PHC3: variants seen among roughly 807,000 people sequenced by gnomAD.
PHC3 encodes polyhomeotic-like protein 3.
A neutral mutation model predicts 107.4 loss-of-function variants in PHC3; 13 were observed. The observed-to-expected ratio is 0.12, with a 90% CI of 0.08 to 0.19. The LOEUF is 0.19. Ranked by LOEUF, PHC3 falls within the 10% of genes least tolerant of loss-of-function variation. PHC3 has a pLI of 1.00. For missense variants in PHC3, 992 were observed against 1,210.9 expected, an observed-to-expected ratio of 0.82 and a Z score of 2.68; for synonymous variants, 456 against 427.4, an observed-to-expected ratio of 1.07 and a Z score of -0.83.
chr3:170,154,080 G>A (rs1335869724), intron 4 of PHC3, among the ~76,000 whole-genome samples: 1 of 152,028 alleles, frequency 6.6e-6, no homozygotes, highest in African/African-American at 2.4e-5. Context: ...TTGCCTAATT[G>A]TTACCGTCCA....
rs994186486 is a variant in PHC3, at chr3:170,094,678, T to C, written c.*2552A>G. Reference sequence around the variant, plus strand: ...GAAAGAAACAGCTGCACCAATGTGATAGCAAACAAGCCATTTTTAAATAAA... The same window carrying C: ...GAAAGAAACAGCTGCACCAATGTGACAGCAAACAAGCCATTTTTAAATAAA... On this transcript the variant is annotated 3_prime_UTR_variant, in exon 15 of 15. Coordinates refer to ENST00000495893, the MANE Select transcript of PHC3 (RefSeq NM_024947.4). 2 of 152,162 alleles carry C rather than the reference T, an allele frequency of 1.3e-5. No homozygotes were observed. The highest frequency in any genetic ancestry group is 4.8e-5 in the African/African-American group (2 of 41,458). The allele number at this position is 152,162 out of a possible 1,614,324, so 9.4% of individuals were successfully genotyped here. A position where few individuals can be genotyped will look rare whatever the true frequency, so the allele number is the denominator to read the frequency against.
At chr3:170,179,857 A>G (rs915024414) in intron 1 of PHC3, among the ~76,000 whole-genome samples, 2 of 152,214 alleles carry the variant, frequency 1.3e-5, no homozygotes, top group African/African-American at 4.8e-5. Context: ...CGGGCCAGAA[A>G]TGTACCTCGA....
intron 7 of PHC3, 125 bp from the exon 8 acceptor site, chr3:170,129,677 C>A: frequency 8.8e-6 from 9 of 1,022,350 alleles, no homozygotes; most frequent in Middle Eastern, 2.2e-4. Flanking sequence ...ACAAGTTTTC[C>A]AAACAAGAGT....
At chr3:170,128,352 A>C in intron 8 of PHC3, 1 of 1,294,962 alleles carries the variant, frequency 7.7e-7, no homozygotes, top group Non-Finnish European at 1.0e-6. Flanking sequence ...TAAGAGAAAA[A>C]ACTTTGTGCA....
At chr3:170,175,745 A>G (rs1296107912) in intron 2 of PHC3, among the ~76,000 whole-genome samples, 2 of 151,842 alleles carry the variant, frequency 1.3e-5, no homozygotes, top group African/African-American at 4.8e-5. Flanking sequence ...TAACATGGTG[A>G]AGCCCCATCT....
intron 5 of PHC3, among the ~76,000 whole-genome samples, chr3:170,146,877 C>CTTTTTTTTTTTTT (rs1035803336): frequency 3.1e-5 from 3 of 97,998 alleles, no homozygotes; most frequent in Admixed American, 1.1e-4. Flanking sequence ...TCTATTTTTT[C>CTTTTTTTTTTTTT]TTTTTTTTTT....
intron 6 of PHC3, among the ~76,000 whole-genome samples, chr3:170,142,624 C>T (rs1423639686): frequency 6.6e-6 from 1 of 152,184 alleles, no homozygotes; most frequent in Non-Finnish European, 1.5e-5. Context: ...TAAGTCCACA[C>T]AGAACTTCAT....
intron 8 of PHC3, among the ~76,000 whole-genome samples, chr3:170,124,250 T>G (rs1720912812): frequency 6.6e-6 from 1 of 152,200 alleles, no homozygotes; most frequent in Non-Finnish European, 1.5e-5. Flanking sequence ...TAACCATTAT[T>G]TATGAAAAAT....
intron 1 of PHC3, 97 bp from the exon 2 acceptor site, chr3:170,179,035 C>T (rs1577301692): frequency 1.7e-6 from 2 of 1,200,190 alleles, no homozygotes; most frequent in Non-Finnish European, 2.4e-6. Flanking sequence ...GTAATCTAAA[C>T]TGCTAGGAAG....
At chr3:170,150,556 T>C (rs375725577) in intron 4 of PHC3, 2 of 110,698 alleles carry the variant, frequency 1.8e-5, no homozygotes, top group African/African-American at 3.8e-5. Context: ...AAAAAAAAAT[T>C]AAAAAAATTA....
intron 2 of PHC3, among the ~76,000 whole-genome samples, chr3:170,178,100 G>A (rs1487557861): frequency 1.3e-5 from 2 of 152,016 alleles, no homozygotes; most frequent in African/African-American, 2.4e-5. Context: ...AGGGTGATTA[G>A]GCCATAAGGA....
Position 170,128,974 on chromosome 3 carries a change from G to C in PHC3, c.1498C>G (p.Gln500Glu). 1.2e-6 allele frequency: 2 copies of C among 1,613,992 alleles called. No individual in the cohort carries two copies. Residue 500 changes from glutamine to glutamate, a missense_variant, in exon 8 of 15, where the codon CAA (glutamine) becomes GAA (glutamate). Physicochemically the swap from Gln to Glu is conservative, Grantham distance 29. Transcript: ENST00000495893. ...GGAGAGGACTGCAGGGATGAATATT[G>C]CTGGTGTGATGGAGAGACAATCTGC... The part of the protein sequence containing the change: ...GQQIVSPSHQ[Q>E]YSSLQSSPIP...
chr3:170,150,958 A>G (rs1366100384), intron 4 of PHC3, among the ~76,000 whole-genome samples: 2 of 152,082 alleles, frequency 1.3e-5, no homozygotes, highest in African/African-American at 4.8e-5. Context: ...CCAGCCTATA[A>G]TCCCAGCACT....
At chr3:170,135,210 G>C (rs904194220) in intron 7 of PHC3, among the ~76,000 whole-genome samples, 7 of 152,142 alleles carry the variant, frequency 4.6e-5, no homozygotes, top group Non-Finnish European at 1.0e-4. Flanking sequence ...GAGTGCAGTG[G>C]TGCAATCTTG....
intron 6 of PHC3, among the ~76,000 whole-genome samples, chr3:170,140,498 C>A (rs1246981798): frequency 1.3e-5 from 2 of 151,628 alleles, no homozygotes; most frequent in Non-Finnish European, 2.9e-5. Context: ...AAGTGATCCA[C>A]CCATCTCAGC....
chr3:170,129,344 G>A lies in PHC3; in HGVS notation c.1128C>T (p.Pro376=), dbSNP rs1284389071. The A allele has an allele frequency of 2.5e-6, 4 of 1,613,902 alleles. No homozygotes were observed. In the South Asian group the frequency reaches 4.4e-5, roughly 18 times the overall value. The change falls in exon 8 of 15, where the codon CCC becomes CCT. Residue 376 remains proline, a synonymous_variant. Coordinates refer to ENST00000495893, the MANE Select transcript of PHC3 (RefSeq NM_024947.4). ...AACAATGCTGTGACTGGGCATTACT[G>A]GGAGCTGGAGGAAGGCCATGGTTCT... ...PLQNHGLPPA[P]SNAQSQHCSP... is the part of the protein sequence containing the mutation.
chr3:170,122,615 AATC>A lies in PHC3; in HGVS notation c.1915_1917del (p.Asp639del), dbSNP rs775073358. The A allele has an allele frequency of 6.2e-7, 1 of 1,613,922 alleles. No homozygotes were observed. The highest frequency in any genetic ancestry group is 1.1e-5 in the South Asian group (1 of 91,078). On this transcript the variant is annotated inframe_deletion, in exon 9 of 15. Coordinates refer to ENST00000495893, the MANE Select transcript of PHC3 (RefSeq NM_024947.4). ...CCTAACAAAGGATGTTCAGAAGTCA[AATC>A]TTCTCCTCTCCCCACTGTTATAGCT...
intron 4 of PHC3, among the ~76,000 whole-genome samples, chr3:170,160,229 T>C (rs969248923): frequency 1.3e-5 from 2 of 152,210 alleles, no homozygotes; most frequent in African/African-American, 4.8e-5. Context: ...CTCAGGATCA[T>C]GATCTCACGG....
intron 12 of PHC3, among the ~76,000 whole-genome samples, chr3:170,104,968 C>T (rs1367216192): frequency 6.6e-6 from 1 of 152,182 alleles, no homozygotes; most frequent in African/African-American, 2.4e-5. Context: ...CTTTCCAAGA[C>T]AGCTAGGCAG....
Sources: gnomAD v4.1 joint callset for allele counts (sites outside exome capture counted in the v4.1 genomes callset) on GRCh38, gnomAD v4.1.1 for gene constraint, MANE v1.5 for transcripts, NCBI Gene and HGNC (gene_info 2026-07-23, HGNC 2026-07-21) for gene names.